The following IL1RAPL1 variants were observed in gnomAD, a reference collection of about 807,000 sequenced individuals.
IL1RAPL1 encodes the protein interleukin 1 receptor accessory protein like 1.
IL1RAPL1 carries 3 observed loss-of-function variants against 48.4 expected under a neutral mutation model. The observed-to-expected ratio is 0.06, with a 90% confidence interval of 0.03 to 0.16. The LOEUF is 0.16. IL1RAPL1 is among the 10% of genes least tolerant of loss of function. IL1RAPL1 has a pLI of 1.00. For missense variants in IL1RAPL1, 349 were observed against 530.6 expected (o/e 0.66, Z 3.36); for synonymous variants, 185 against 187.7 (o/e 0.99, Z 0.12).
intron 6 of IL1RAPL1, among the ~76,000 whole-genome samples, chrX:29,846,770 A>T (rs1406672029): frequency 2.4e-5 from 2 of 82,529 alleles, no homozygotes; most frequent in African/African-American, 9.7e-5. Flanking sequence ...ATATATATAC[A>T]TATATATGTA....
chrX:28,628,218 G>A (rs1468259377), intron 1 of IL1RAPL1, among the ~76,000 whole-genome samples: 2 of 111,758 alleles, frequency 1.8e-5, no homozygotes, highest in Admixed American at 9.5e-5. Context: ...TCTCTTAAAG[G>A]GTAGGCTCAG....
chrX:29,405,805 T>C (rs1464720909), intron 5 of IL1RAPL1, among the ~76,000 whole-genome samples: 2 of 111,157 alleles, frequency 1.8e-5, no homozygotes, highest in Non-Finnish European at 3.8e-5. Context: ...TCTCTCAATT[T>C]TGAAAATTCC....
At position 29,736,363 on chromosome X, in the gene IL1RAPL1, A is replaced by G. The variant is rs752024751; in HGVS notation, c.778+67859A>G. 6.3e-5 allele frequency among the ~76,000 whole-genome samples: 7 copies of G among 111,845 alleles called. No individual in the cohort carries two copies. The East Asian group carries it at 2.0e-3, about 31-fold the overall frequency. The stretch of plus-strand genomic sequence containing the variant: ...AACATAGCAAGAACCCTGTCTCAAA[A>G]AAATACAGTTTGACACTGCCACACT... On this transcript the variant is annotated intron_variant, in intron 6 of 10. Coordinates refer to ENST00000378993, the MANE Select transcript of IL1RAPL1 (RefSeq NM_014271.4).
intron 5 of IL1RAPL1, chrX:29,574,186 A>T (rs1922695104): frequency 9.1e-6 from 1 of 109,557 alleles, no homozygotes; most frequent in Admixed American, 9.7e-5. Flanking sequence ...CAGGAGGAAG[A>T]GAGCAAAGAG....
chrX:29,729,927 AC>A (rs776943994), intron 6 of IL1RAPL1, among the ~76,000 whole-genome samples: 8 of 111,674 alleles, frequency 7.2e-5, no homozygotes, highest in African/African-American at 2.6e-4. Flanking sequence ...CTATATTGAG[AC>A]CTTGAGCTGT....
intron 2 of IL1RAPL1, among the ~76,000 whole-genome samples, chrX:29,060,628 C>A (rs1487369300): frequency 9.0e-6 from 1 of 111,590 alleles, no homozygotes; most frequent in African/African-American, 3.3e-5. Flanking sequence ...GTAGTCACAT[C>A]TGAAAGTTAC....
chrX:29,526,840 A>G (rs370940115), intron 5 of IL1RAPL1, among the ~76,000 whole-genome samples: 8 of 112,239 alleles, frequency 7.1e-5, no homozygotes, highest in Admixed American at 2.8e-4. Context: ...TTCTCTCTGA[A>G]TTAATTTAAA....
intron 1 of IL1RAPL1, among the ~76,000 whole-genome samples, chrX:28,592,439 T>C (rs894162448): frequency 9.0e-6 from 1 of 111,537 alleles, no homozygotes; most frequent in Non-Finnish European, 1.9e-5. Context: ...AAAATGAGAA[T>C]ATAAAGATAC....
chrX:29,173,142 G>A (rs1283578276), intron 2 of IL1RAPL1, among the ~76,000 whole-genome samples: 1 of 111,404 alleles, frequency 9.0e-6, no homozygotes, highest in Admixed American at 9.6e-5. Context: ...GAGAGATTGT[G>A]ATTTAGGAGG....
At chrX:29,013,619 CCA>C (rs1451749353) in intron 2 of IL1RAPL1, among the ~76,000 whole-genome samples, 1 of 111,673 alleles carries the variant, frequency 9.0e-6, no homozygotes, top group African/African-American at 3.3e-5. Flanking sequence ...GAGCAGAAAA[CCA>C]AACACCACAC....
intron 3 of IL1RAPL1, among the ~76,000 whole-genome samples, chrX:29,322,227 T>G: frequency 1.8e-5 from 2 of 110,418 alleles, no homozygotes; most frequent in Admixed American, 1.9e-4. Flanking sequence ...CTTTCTGTCT[T>G]TCTTTCTGTC....
chrX:29,687,415 C>T (rs768178606), intron 6 of IL1RAPL1, among the ~76,000 whole-genome samples: 6 of 111,724 alleles, frequency 5.4e-5, no homozygotes, highest in East Asian at 2.8e-4. Flanking sequence ...CAACAAACAC[C>T]GCATGATCTC....
At chrX:28,757,513 A>G (rs772304370) in intron 1 of IL1RAPL1, among the ~76,000 whole-genome samples, 16 of 112,523 alleles carry the variant, frequency 1.4e-4, no homozygotes, top group Non-Finnish European at 2.4e-4. Context: ...AAGTGAGGCC[A>G]CAATGACAGA....
rs145499335 is a variant in IL1RAPL1 at position 29,465,958 on chromosome X, A to G, written c.703+66650A>G. Among the ~76,000 whole-genome samples the G allele has an allele frequency of 8.0e-3, 899 of 112,334 alleles. 3 individuals are homozygous for G. Among genetic ancestry groups the G allele is most frequent in the African/African-American group, 0.026 (800 of 30,925 alleles). On this transcript the variant is annotated intron_variant, in intron 5 of 10. Coordinates refer to ENST00000378993, the MANE Select transcript of IL1RAPL1 (RefSeq NM_014271.4). ...TGTGTCACTCAGCCTCAGTTACCAC[A>G]TCATTACTATTGGGACACAGCTCAG...
chrX:29,157,416 T>A (rs1929591021), intron 2 of IL1RAPL1, among the ~76,000 whole-genome samples: 1 of 111,918 alleles, frequency 8.9e-6, no homozygotes, highest in Non-Finnish European at 1.9e-5. Flanking sequence ...GGAAAAAACT[T>A]AAAAATATAC....
intron 2 of IL1RAPL1, among the ~76,000 whole-genome samples, chrX:28,809,795 T>C (rs756642742): frequency 3.5e-4 from 38 of 109,394 alleles, no homozygotes; most frequent in Non-Finnish European, 5.7e-4. Flanking sequence ...AAAGAATCTT[T>C]TTTTTTGGCT....
At chrX:29,741,866 A>G (rs946179931) in intron 6 of IL1RAPL1, among the ~76,000 whole-genome samples, 2 of 98,971 alleles carry the variant, frequency 2.0e-5, no homozygotes, top group Admixed American at 1.1e-4. Flanking sequence ...TGAAGGTTGC[A>G]GTAGGCTGAG....
At chrX:29,648,612 C>CA (rs1925418682) in intron 5 of IL1RAPL1, among the ~76,000 whole-genome samples, 1 of 111,007 alleles carries the variant, frequency 9.0e-6, no homozygotes, top group South Asian at 3.7e-4. Context: ...TACAACATAC[C>CA]AAAAGCTATG....
At chrX:29,872,550 T>C (rs138884223) in intron 6 of IL1RAPL1, among the ~76,000 whole-genome samples, 3,129 of 112,171 alleles carry the variant, frequency 0.028, 123 homozygotes, top group African/African-American at 0.095. Context: ...CTGGGATTGA[T>C]GCATGTATAA....
Sources: gnomAD v4.1 joint callset for allele counts (sites outside exome capture counted in the v4.1 genomes callset) on GRCh38, gnomAD v4.1.1 for gene constraint, MANE v1.5 for transcripts, NCBI Gene and HGNC (gene_info 2026-07-23, HGNC 2026-07-21) for gene names.